DDX60L: variants seen among roughly 807,000 people sequenced by gnomAD.
The protein encoded by DDX60L is probable ATP-dependent RNA helicase DDX60-like.
In DDX60L, 191 loss-of-function variants were observed where a neutral mutation model predicts 211.6. The ratio of observed to expected loss-of-function variants is 0.90; its 90% confidence interval spans 0.80 to 1.02. The LOEUF (loss-of-function observed/expected upper bound fraction) is 1.02. DDX60L is among the 50% of genes least tolerant of loss of function. The pLI is 0.00. For missense variants in DDX60L, 2,007 were observed against 1,984.1 expected (o/e 1.01, Z -0.22); for synonymous variants, 706 against 694.1 (o/e 1.02, Z -0.27).
chr4:168,398,263 C>T (rs919352880), intron 26 of DDX60L, among the ~76,000 whole-genome samples: 7 of 152,238 alleles, frequency 4.6e-5, no homozygotes, highest in African/African-American at 1.7e-4. Flanking sequence ...CTGGCACCCA[C>T]TCCAAACTCA....
In DDX60L at chr4:168,415,531, G is replaced by T; in HGVS notation, c.2870-14C>A. ...CTCCACAGAGCACTAGATACGAAGAGCAAGAATATCCAAATTAATGGACAT... is the reference window on the plus strand; with the variant it reads ...CTCCACAGAGCACTAGATACGAAGATCAAGAATATCCAAATTAATGGACAT... On this transcript the variant is annotated splice_polypyrimidine_tract_variant and intron_variant, in intron 21 of 37. Coordinates refer to ENST00000682922, the MANE Select transcript of DDX60L (RefSeq NM_001012967.3). 6.6e-7 allele frequency: 1 copy of T among 1,521,134 alleles called. No homozygotes were observed. The highest frequency in any genetic ancestry group is 9.0e-7 in the Non-Finnish European group (1 of 1,108,036). 94.2% of individuals were successfully genotyped at this position (1,521,134 alleles called of 1,614,324 possible).
Position 168,396,139 on chromosome 4 carries a change from A to G in DDX60L, c.3492-15T>C. The G allele has an allele frequency of 7.1e-7, 1 of 1,403,800 alleles. No homozygotes were observed. The highest frequency in any genetic ancestry group is 9.5e-7 in the Non-Finnish European group (1 of 1,047,972). 87.0% of individuals were successfully genotyped at this position (1,403,800 alleles called of 1,614,324 possible). ...TTTTTTTAGTGCTACTATTTAAAAA[A>G]AAAAAAAAACTTTTAAGTAATGAAA... On this transcript the variant is annotated splice_polypyrimidine_tract_variant and intron_variant, in intron 26 of 37. Transcript: ENST00000682922.
chr4:168,460,097 T>G (rs1345984632), intron 5 of DDX60L, among the ~76,000 whole-genome samples: 3 of 152,276 alleles, frequency 2.0e-5, no homozygotes, highest in East Asian at 3.9e-4. Flanking sequence ...CTATAAAAAG[T>G]AAAAATATGA....
intron 5 of DDX60L, 27 bp downstream of exon 5, chr4:168,461,672 A>C (rs28648821): frequency 2.5e-6 from 3 of 1,199,980 alleles, no homozygotes; most frequent in Non-Finnish European, 3.3e-6. Context: ...GAAATCAGGA[A>C]AAAAATGAGT....
chr4:168,405,504 T>G (rs529302727), intron 24 of DDX60L, among the ~76,000 whole-genome samples: 1 of 152,354 alleles, frequency 6.6e-6, no homozygotes, highest in East Asian at 1.9e-4. Context: ...TATTTTCTCA[T>G]TTATCATCAT....
At chr4:168,415,566 A>C (rs769704265) in intron 21 of DDX60L, 49 bp from the exon 22 acceptor site, 262 of 1,448,222 alleles carry the variant, frequency 1.8e-4, no homozygotes, top group Non-Finnish European at 2.4e-4. Context: ...TACGATTATT[A>C]GAATATGGAT....
intron 36 of DDX60L, among the ~76,000 whole-genome samples, chr4:168,368,136 A>T (rs558852344): frequency 9.0e-4 from 137 of 152,346 alleles, no homozygotes; most frequent in African/African-American, 3.1e-3. Context: ...TGTCTCCAGG[A>T]TGTGGCAGAG....
chr4:168,369,488 A>AAAATC (rs1553987226), intron 36 of DDX60L, among the ~76,000 whole-genome samples: 2 of 147,006 alleles, frequency 1.4e-5, no homozygotes, highest in Admixed American at 6.8e-5. Flanking sequence ...AAAAACAAAA[A>AAAATC]AAAAAAAACA....
chr4:168,474,422 T>G (rs544984568), intron 1 of DDX60L, among the ~76,000 whole-genome samples: 1 of 151,942 alleles, frequency 6.6e-6, no homozygotes, highest in South Asian at 2.1e-4. Flanking sequence ...GACAAATAAA[T>G]AAACAAACTA....
At chr4:168,416,917 G>T (rs76786425) in intron 19 of DDX60L, 120 bp from the exon 20 acceptor site, 1 of 512,530 alleles carries the variant, frequency 2.0e-6, no homozygotes, top group African/African-American at 2.0e-5. Context: ...CCTAAATAAA[G>T]TGAATGGTGA....
rs1753833551 is a variant in DDX60L at position 168,441,511 on chromosome 4, T to C, written c.1139-19A>G. 1.3e-6 allele frequency: 2 copies of C among 1,571,298 alleles called. No homozygotes were observed. The highest frequency in any genetic ancestry group is 1.7e-6 in the Non-Finnish European group (2 of 1,158,188). On this transcript the variant is annotated intron_variant, in intron 9 of 37. Transcript: ENST00000682922. ...TGTGGTTCTGCATAACAATAAAAAA[T>C]ATTAAAATCTCAAAAGTCATACACA...
intron 26 of DDX60L, among the ~76,000 whole-genome samples, chr4:168,400,039 C>T (rs1746518438): frequency 6.6e-6 from 1 of 152,034 alleles, no homozygotes; most frequent in Non-Finnish European, 1.5e-5. Flanking sequence ...CGGATAGGCC[C>T]CAGTGTGTGT....
intron 9 of DDX60L, among the ~76,000 whole-genome samples, chr4:168,442,708 G>A (rs1448845322): frequency 6.6e-6 from 1 of 151,322 alleles, no homozygotes; most frequent in African/African-American, 2.4e-5. Context: ...TCCTCAAGTG[G>A]GTCCCTGACC....
chr4:168,479,067 T>C (rs1161710212), intron 1 of DDX60L, among the ~76,000 whole-genome samples: 9 of 152,226 alleles, frequency 5.9e-5, no homozygotes, highest in African/African-American at 1.7e-4. Flanking sequence ...AGTGTATGGA[T>C]CTAGAGATAG....
At chr4:168,396,489 G>T (rs913023903) in intron 26 of DDX60L, among the ~76,000 whole-genome samples, 1 of 152,046 alleles carries the variant, frequency 6.6e-6, no homozygotes, top group Non-Finnish European at 1.5e-5. Flanking sequence ...AGAATTAGTT[G>T]GCACATCCCC....
At chr4:168,419,166 A>G in intron 19 of DDX60L, 136 bp downstream of exon 19, 1 of 530,482 alleles carries the variant, frequency 1.9e-6, no homozygotes, top group Non-Finnish European at 3.2e-6. Context: ...GTGAATATGC[A>G]ATCTGTTTTC....
chr4:168,462,043 G>A lies in DDX60L; in HGVS notation c.265-3C>T. 1 of 1,572,906 alleles carries A rather than the reference G, an allele frequency of 6.4e-7. No individual in the cohort carries two copies. The highest frequency in any genetic ancestry group is 1.2e-5 in the South Asian group (1 of 85,202). On this transcript the variant is annotated splice_polypyrimidine_tract_variant and splice_region_variant and intron_variant, in intron 4 of 37. Coordinates refer to ENST00000682922, the MANE Select transcript of DDX60L (RefSeq NM_001012967.3). Reference sequence around the variant, plus strand: ...TCAAAATATGCATATTCAGCATCCTGTGGTGAGAAAAAGAAACAAGCACAT... The same window carrying A: ...TCAAAATATGCATATTCAGCATCCTATGGTGAGAAAAAGAAACAAGCACAT...
intron 17 of DDX60L, 100 bp downstream of exon 17, chr4:168,421,660 T>G: frequency 6.7e-7 from 1 of 1,485,292 alleles, no homozygotes. Context: ...GTCTCAAAAA[T>G]AAAATAACAG....
intron 29 of DDX60L, among the ~76,000 whole-genome samples, chr4:168,388,843 C>T (rs1469938443): frequency 6.6e-6 from 1 of 152,070 alleles, no homozygotes; most frequent in African/African-American, 2.4e-5. Context: ...TGAATGTAGG[C>T]AGAATCAAGG....
Sources: gnomAD v4.1 joint callset for allele counts (sites outside exome capture counted in the v4.1 genomes callset) on GRCh38, gnomAD v4.1.1 for gene constraint, MANE v1.5 for transcripts, NCBI Gene and HGNC (gene_info 2026-07-23, HGNC 2026-07-21) for gene names.